The following SAMD3 variants were observed in gnomAD, a reference collection of about 807,000 sequenced individuals.
SAMD3 encodes sterile alpha motif domain containing 3.
Under a neutral mutation model 58.5 loss-of-function variants are expected in SAMD3, and 63 were observed. That is an observed-to-expected ratio of 1.08 (90% CI 0.88 to 1.33). The LOEUF (loss-of-function observed/expected upper bound fraction) is 1.33. SAMD3 is among the 40% of genes most tolerant of loss of function. The pLI is 0.00. For missense variants in SAMD3, 604 were observed against 608.4 expected, an observed-to-expected ratio of 0.99 and a Z score of 0.08; for synonymous variants, 220 against 210.3, an observed-to-expected ratio of 1.05 and a Z score of -0.40.
chr6:130,218,243 T>G (rs527514492), intron 1 of SAMD3, among the ~76,000 whole-genome samples: 342 of 152,324 alleles, frequency 2.2e-3, no homozygotes, highest in Non-Finnish European at 4.0e-3. Context: ...TATATGCTTC[T>G]CGCCTCACAG....
chr6:130,351,709 C>G (rs1424932501), intron 1 of SAMD3, among the ~76,000 whole-genome samples: 1 of 152,204 alleles, frequency 6.6e-6, no homozygotes, highest in African/African-American at 2.4e-5. Flanking sequence ...CATCCCATTA[C>G]TGGGTATATA....
In SAMD3 at chr6:130,214,545, A is replaced by G. The variant is rs758370129; in HGVS notation, c.80-19T>C. 3 of 1,561,542 alleles carry G rather than the reference A, an allele frequency of 1.9e-6. No individual in the cohort carries two copies. Among genetic ancestry groups the G allele is most frequent in the Admixed American group, 1.9e-5 (1 of 51,390 alleles). ...TCTTCCTCTGGGAAAAAGAAAAAAA[A>G]TTAGTTTCTACATGACTTTCCGGCA... On this transcript the variant is annotated intron_variant, in intron 3 of 11. Coordinates refer to ENST00000439090, the MANE Select transcript of SAMD3 (RefSeq NM_001017373.4).
At chr6:130,279,767 G>A (rs1293211186) in intron 2 of SAMD3, among the ~76,000 whole-genome samples, 2 of 152,118 alleles carry the variant, frequency 1.3e-5, no homozygotes, top group East Asian at 1.9e-4. Flanking sequence ...TTACAGGTGT[G>A]AGCCACTGTG....
At chr6:130,216,482 A>T (rs1368229794) in intron 2 of SAMD3, 89 bp downstream of exon 2, 1 of 152,206 alleles carries the variant, frequency 6.6e-6, no homozygotes, top group Non-Finnish European at 1.5e-5. Context: ...AAATGGAACT[A>T]TTGTTGTATT....
At chr6:130,274,600 C>A (rs755601934) in intron 2 of SAMD3, among the ~76,000 whole-genome samples, 7 of 151,914 alleles carry the variant, frequency 4.6e-5, no homozygotes, top group Non-Finnish European at 8.8e-5. Flanking sequence ...ATGTTGAGCT[C>A]TGCTGGCTTG....
chr6:130,164,843 G>A (rs970822637), intron 8 of SAMD3, among the ~76,000 whole-genome samples: 14 of 152,034 alleles, frequency 9.2e-5, no homozygotes, highest in Non-Finnish European at 1.9e-4. Context: ...ACTTCAAGAG[G>A]GTAGAGAAGG....
intron 2 of SAMD3, among the ~76,000 whole-genome samples, chr6:130,280,666 A>G (rs1213119218): frequency 6.6e-6 from 1 of 152,184 alleles, no homozygotes; most frequent in Non-Finnish European, 1.5e-5. Flanking sequence ...CTATTTCAGC[A>G]TGTACACATA....
At chr6:130,155,371 A>C (rs935257759) in intron 8 of SAMD3, among the ~76,000 whole-genome samples, 1 of 152,196 alleles carries the variant, frequency 6.6e-6, no homozygotes, top group Non-Finnish European at 1.5e-5. Flanking sequence ...TGTTAAGAAG[A>C]TATTTTTAAA....
intron 2 of SAMD3, among the ~76,000 whole-genome samples, chr6:130,260,628 C>T (rs1830555): frequency 0.45 from 67,956 of 152,034 alleles, 17,203 homozygotes; most frequent in African/African-American, 0.69. Context: ...GTTCCCTGAC[C>T]GGGAAGCAAG....
In SAMD3 at chr6:130,155,520, T is replaced by G. The variant is rs2114590460; in HGVS notation, c.823-495A>C. Among the ~76,000 whole-genome samples the G allele has an allele frequency of 1.3e-5, 2 of 152,348 alleles. 1 individual carries two copies. The highest frequency in any genetic ancestry group is 4.1e-4 in the South Asian group (2 of 4,824). ...ATGCTAAATCATTAAACTAATAATT[T>G]TATTCACTATACAACTGGGTACGTT... is the stretch of plus-strand genomic sequence containing the variant. On this transcript the variant is annotated intron_variant, in intron 8 of 11. Transcript: ENST00000439090.
At chr6:130,242,503 A>T (rs958854914) in intron 2 of SAMD3, among the ~76,000 whole-genome samples, 1 of 152,256 alleles carries the variant, frequency 6.6e-6, no homozygotes, top group African/African-American at 2.4e-5. Flanking sequence ...GACATTTTGG[A>T]TAGTAATACA....
At chr6:130,239,148 G>A (rs1353466855) in intron 2 of SAMD3, among the ~76,000 whole-genome samples, 1 of 152,174 alleles carries the variant, frequency 6.6e-6, no homozygotes, top group Non-Finnish European at 1.5e-5. Context: ...AACCACCAGA[G>A]GGCCAGAGAA....
At position 130,249,914 on chromosome 6, in the gene SAMD3, G is replaced by A. The variant is rs74943223; in HGVS notation, c.-187-27101C>T. 4.1e-3 allele frequency among the ~76,000 whole-genome samples: 628 copies of A among 152,206 alleles called. 5 individuals are homozygous for A. Among genetic ancestry groups the A allele is most frequent in the African/African-American group, 0.014 (581 of 41,538 alleles). ...AAAATAGTCTCACTGAGACCCACACGCTCTGAGGAAGTCCAGATACAAGCT... is the reference window on the plus strand; with the variant it reads ...AAAATAGTCTCACTGAGACCCACACACTCTGAGGAAGTCCAGATACAAGCT... On this transcript the variant is annotated intron_variant, in intron 2 of 13. Transcript: ENST00000368134.
At chr6:130,333,158 T>C (rs550001155) in intron 1 of SAMD3, among the ~76,000 whole-genome samples, 1 of 151,874 alleles carries the variant, frequency 6.6e-6, no homozygotes, top group South Asian at 2.1e-4. Context: ...GAAAAGCAAA[T>C]CTTCTGGGGA....
intron 5 of SAMD3, among the ~76,000 whole-genome samples, chr6:130,204,045 C>T (rs749078794): frequency 6.7e-6 from 1 of 149,966 alleles, no homozygotes; most frequent in African/African-American, 2.4e-5. Context: ...TTGCAGTGGC[C>T]AGACCGAAAA....
At chr6:130,316,925 C>T (rs1247043008) in intron 1 of SAMD3, among the ~76,000 whole-genome samples, 3 of 152,044 alleles carry the variant, frequency 2.0e-5, no homozygotes, top group South Asian at 2.1e-4. Flanking sequence ...ATTATCATTC[C>T]CATTTTCTTG....
intron 2 of SAMD3, among the ~76,000 whole-genome samples, chr6:130,307,838 A>T (rs1025465818): frequency 5.3e-5 from 8 of 152,226 alleles, no homozygotes; most frequent in Non-Finnish European, 4.4e-5. Context: ...TTTAGCATCT[A>T]TAGAATTTGA....
intron 5 of SAMD3, among the ~76,000 whole-genome samples, chr6:130,202,987 C>T (rs952453398): frequency 6.6e-6 from 1 of 152,126 alleles, no homozygotes; most frequent in Admixed American, 6.5e-5. Flanking sequence ...TTATACATAT[C>T]GGTTCACACA....
At chr6:130,272,970 C>T (rs950643017) in intron 2 of SAMD3, among the ~76,000 whole-genome samples, 3 of 152,162 alleles carry the variant, frequency 2.0e-5, no homozygotes, top group African/African-American at 7.2e-5. Flanking sequence ...CCTCAGATAT[C>T]ATAGACACTT....
Sources: gnomAD v4.1 joint callset for allele counts (sites outside exome capture counted in the v4.1 genomes callset) on GRCh38, gnomAD v4.1.1 for gene constraint, MANE v1.5 for transcripts, NCBI Gene and HGNC (gene_info 2026-07-23, HGNC 2026-07-21) for gene names.